Variants in FAM161B observed in about 807,000 individuals in gnomAD.
FAM161B encodes the protein protein FAM161B.
FAM161B carries 46 observed loss-of-function variants against 61.5 expected under a neutral mutation model. The observed-to-expected ratio is 0.75, with a 90% CI of 0.59 to 0.96. The LOEUF is 0.96. FAM161B is among the 40% of genes least tolerant of loss of function. The pLI is 0.00. For synonymous variants in FAM161B, 284 were observed against 302.7 expected (o/e 0.94, Z 0.64); for missense variants, 774 against 800.7 (o/e 0.97, Z 0.40).
At chr14:73,942,343 C>A in intron 4 of FAM161B, 26 bp downstream of exon 4, 1 of 1,606,012 alleles carries the variant, frequency 6.2e-7, no homozygotes, top group South Asian at 1.1e-5. Flanking sequence ...CAGCCCTGAC[C>A]CTCCCACAGC....
chr14:73,944,108 G>A (rs888160242), intron 3 of FAM161B, among the ~76,000 whole-genome samples: 1 of 152,136 alleles, frequency 6.6e-6, no homozygotes, highest in East Asian at 1.9e-4. Flanking sequence ...TCAACAGGAC[G>A]AGCCTTGGGG....
chr14:73,923,602 T>G, the FAM161B span: 2,486 of 1,512,196 alleles, frequency 1.6e-3, 28 homozygotes, highest in African/African-American at 0.031. Flanking sequence ...TGAAAAAGTC[T>G]CCAGTTTCCA....
At chr14:73,949,172 G>C (rs1390836993) in intron 1 of FAM161B, among the ~76,000 whole-genome samples, 1 of 152,038 alleles carries the variant, frequency 6.6e-6, no homozygotes, top group African/African-American at 2.4e-5. Flanking sequence ...GCACAATCTC[G>C]GCTCACTGCA....
intron 5 of FAM161B, among the ~76,000 whole-genome samples, chr14:73,938,424 A>C (rs2055989175): frequency 6.6e-6 from 1 of 151,770 alleles, no homozygotes; most frequent in Admixed American, 6.6e-5. Flanking sequence ...GCACTGCTGC[A>C]CTCCAGCCTG....
Position 73,944,601 on chromosome 14 carries a change from G to A in FAM161B, c.659C>T (p.Pro220Leu), listed in dbSNP as rs763927756. The change falls in exon 3 of 9, where the codon CCT becomes CTT. Residue 220 changes from proline to leucine, a missense_variant. Transcript: ENST00000286544. ...AECHRQFRAQPVPAHVYLPLY... is the reference protein window; with the variant it reads ...AECHRQFRAQLVPAHVYLPLY... ...GGGCAGGTAGACATGTGCAGGCACAGGCTGTGCCCGGAACTGCCTGTGGCA... is the reference window on the plus strand; with the variant it reads ...GGGCAGGTAGACATGTGCAGGCACAAGCTGTGCCCGGAACTGCCTGTGGCA... 1.9e-6 allele frequency: 3 copies of A among 1,614,094 alleles called. No individual in the cohort carries two copies. The highest frequency in any genetic ancestry group is 2.2e-5 in the South Asian group (2 of 91,080).
intron 1 of FAM161B, among the ~76,000 whole-genome samples, chr14:73,947,353 C>T (rs2056075666): frequency 1.4e-5 from 2 of 145,490 alleles, no homozygotes; most frequent in African/African-American, 2.6e-5. Context: ...CCACTGCACT[C>T]CAGCCTGGGC....
chr14:73,932,592 T>C lies in FAM161B; in HGVS notation c.*1664A>G, dbSNP rs1205727546. On this transcript the variant is annotated 3_prime_UTR_variant, in exon 9 of 9. Transcript: ENST00000286544. ...GAGCAGGCACTCTTGCTATCAGTCA[T>C]CCTGTCTCCACAGCTACTGAGAAAA... The C allele has an allele frequency of 7.6e-6, 3 of 396,856 alleles. No homozygotes were observed. Among genetic ancestry groups the C allele is most frequent in the Non-Finnish European group, 1.5e-5 (3 of 204,192 alleles). 24.6% of individuals were successfully genotyped at this position (396,856 alleles called of 1,614,324 possible).
At chr14:73,927,631 C>T (rs753550535), downstream of FAM161B, among the ~76,000 whole-genome samples, 5 of 152,084 alleles carry the variant, frequency 3.3e-5, no homozygotes, top group Non-Finnish European at 5.9e-5. Context: ...AAATTTAATT[C>T]ATTCAGCGGC....
chr14:73,928,202 G>T (rs924759807), downstream of FAM161B, among the ~76,000 whole-genome samples: 1 of 152,176 alleles, frequency 6.6e-6, no homozygotes, highest in African/African-American at 2.4e-5. Context: ...ATATGTTTTA[G>T]AGTTTAAGTT....
intron 7 of FAM161B, among the ~76,000 whole-genome samples, chr14:73,936,653 G>A (rs1242677989): frequency 2.0e-5 from 3 of 152,186 alleles, no homozygotes; most frequent in Admixed American, 6.5e-5. Context: ...TCTGAAGAGT[G>A]AGCTTGCTTA....
At chr14:73,936,869 T>C (rs932274675) in intron 7 of FAM161B, among the ~76,000 whole-genome samples, 73 of 152,264 alleles carry the variant, frequency 4.8e-4, no homozygotes, top group African/African-American at 1.7e-3. Flanking sequence ...CCAACTTGTC[T>C]GAAACTGGAG....
At chr14:73,927,214 T>A, downstream of FAM161B, 1 of 238,218 alleles carries the variant, frequency 4.2e-6, no homozygotes. Context: ...GCCTCCTGAG[T>A]AGCTGGGACC....
At chr14:73,949,104 T>G (rs569665936) in intron 1 of FAM161B, among the ~76,000 whole-genome samples, 4 of 127,274 alleles carry the variant, frequency 3.1e-5, no homozygotes, top group African/African-American at 1.1e-4. Context: ...ATTTTTTTGT[T>G]TGTTTGTTTT....
In FAM161B at chr14:73,934,930, C is replaced by T. The variant is rs537331820; in HGVS notation, c.1806-536G>A. Among the ~76,000 whole-genome samples, 3 of 151,734 alleles carry T rather than the reference C, an allele frequency of 2.0e-5. No individual in the cohort carries two copies. In the East Asian group the frequency reaches 5.9e-4, roughly 30 times the overall value. On this transcript the variant is annotated intron_variant, in intron 8 of 8. Transcript: ENST00000286544. ...GGCGTGGTAGTGGACACCTGTAGTC[C>T]CACCTACTCAGGAGGCTGAAGCAGG...
the FAM161B span, chr14:73,923,510 A>G: frequency 6.2e-7 from 1 of 1,613,002 alleles, no homozygotes; most frequent in Non-Finnish European, 8.5e-7. Flanking sequence ...TAACTGCAGT[A>G]AATCCACAAG....
Position 73,940,994 on chromosome 14 carries a change from AG to A in FAM161B, c.1331del (p.Ala444ValfsTer54), listed in dbSNP as rs1259995760. On this transcript the variant is annotated frameshift_variant, in exon 5 of 9. Coordinates refer to ENST00000286544, the MANE Select transcript of FAM161B (RefSeq NM_152445.3). LOFTEE classifies it high-confidence loss of function. ...CAGGGAGAGTGTTGGCAGAGAGGGA[AG>A]CAAGGCCGCTCAGAGAACGACTCCT... ...LPRSRSLSGL[A>X]SLSANTLPVH... 49 of 1,613,666 alleles carry A rather than the reference AG, an allele frequency of 3.0e-5. No homozygotes were observed. Among genetic ancestry groups the A allele is most frequent in the Non-Finnish European group, 4.1e-5 (48 of 1,179,716 alleles).
At chr14:73,926,839 C>G (rs146967979), downstream of FAM161B, among the ~76,000 whole-genome samples, 303 of 152,294 alleles carry the variant, frequency 2.0e-3, no homozygotes, top group African/African-American at 7.0e-3. Context: ...TTCCTAAAAA[C>G]TGGTAGTTAC....
chr14:73,938,110 C>T lies in FAM161B; in HGVS notation c.1403G>A (p.Ser468Asn), dbSNP rs374920222. The T allele has an allele frequency of 3.7e-6, 6 of 1,613,692 alleles. No individual in the cohort carries two copies. The African/African-American group carries it at 6.7e-5, about 18-fold the overall frequency. Residue 468 changes from serine (S) to asparagine (N), a missense_variant and splice_region_variant, in exon 6 of 9, where the codon AGT (serine) becomes AAT (asparagine). Ser to Asn is a conservative substitution (Grantham distance 46, BLOSUM62 1). Transcript: ENST00000286544. ...ATRKRESAVR[S>N]ALEKKNKADE... ...TGCTTTGTTCTTTTTTTCAAGTGCA[C>T]TTCTAAAGGAAGGAGGCAGAAAAAG...
At chr14:73,935,772 C>T (rs1199303199) in intron 8 of FAM161B, among the ~76,000 whole-genome samples, 177 bp downstream of exon 8, 3 of 152,160 alleles carry the variant, frequency 2.0e-5, no homozygotes, top group Non-Finnish European at 4.4e-5. Context: ...TTCACAACTG[C>T]ATCACTCTCT....
Sources: gnomAD v4.1 joint callset for allele counts (sites outside exome capture counted in the v4.1 genomes callset) on GRCh38, gnomAD v4.1.1 for gene constraint, MANE v1.5 for transcripts, NCBI Gene and HGNC (gene_info 2026-07-23, HGNC 2026-07-21) for gene names.